Variants in FRMD3 observed in about 807,000 individuals in gnomAD.
The protein encoded by FRMD3 is FERM domain-containing protein 3.
In FRMD3, 33 loss-of-function variants were observed where a neutral mutation model predicts 70.2. That is an observed-to-expected ratio of 0.47 (90% CI 0.36 to 0.63). The LOEUF (loss-of-function observed/expected upper bound fraction) is 0.63, where lower values mean the gene tolerates loss of function less well. Among genes scored for constraint, FRMD3 ranks in the 20% least tolerant of loss-of-function variants. The pLI, the probability that FRMD3 is intolerant of heterozygous loss-of-function variation, is 0.00. For synonymous variants in FRMD3, 279 were observed against 255.9 expected, an observed-to-expected ratio of 1.09 and a Z score of -0.86; for missense variants, 632 against 711.4, an observed-to-expected ratio of 0.89 and a Z score of 1.27.
At chr9:83,462,667 G>A (rs1828008708) in intron 1 of FRMD3, among the ~76,000 whole-genome samples, 1 of 152,106 alleles carries the variant, frequency 6.6e-6, no homozygotes, top group Admixed American at 6.5e-5. Context: ...AGGAACACTT[G>A]GAGATATCTC....
intron 1 of FRMD3, among the ~76,000 whole-genome samples, chr9:83,451,352 CCACA>C (rs147154939): frequency 2.7e-5 from 4 of 147,904 alleles, no homozygotes; most frequent in Admixed American, 2.1e-4. Flanking sequence ...CTGCCCCACT[CCACA>C]CACACACACA....
intron 3 of FRMD3, among the ~76,000 whole-genome samples, chr9:83,363,553 CT>C (rs34789292): frequency 1.4e-3 from 159 of 113,332 alleles, no homozygotes; most frequent in African/African-American, 4.2e-3. Flanking sequence ...GAGACATAGG[CT>C]TTTTTTTTTT....
intron 1 of FRMD3, among the ~76,000 whole-genome samples, chr9:83,430,451 G>A (rs1379327456): frequency 6.6e-6 from 1 of 152,174 alleles, no homozygotes; most frequent in Non-Finnish European, 1.5e-5. Flanking sequence ...TTAGACACGT[G>A]CAGATGACAA....
At chr9:83,450,213 A>G (rs199895596) in intron 1 of FRMD3, among the ~76,000 whole-genome samples, 2,191 of 33,710 alleles carry the variant, frequency 0.065, 44 homozygotes, top group African/African-American at 0.25. Flanking sequence ...CCGTGCGCGC[A>G]CACACACACA....
intron 12 of FRMD3, among the ~76,000 whole-genome samples, chr9:83,293,050 C>T (rs1001332551): frequency 1.3e-5 from 2 of 152,166 alleles, no homozygotes; most frequent in African/African-American, 4.8e-5. Flanking sequence ...GCACCTAATC[C>T]GGTGTGAGTG....
At chr9:83,359,168 C>A (rs941175077) in intron 3 of FRMD3, among the ~76,000 whole-genome samples, 5 of 152,170 alleles carry the variant, frequency 3.3e-5, no homozygotes, top group Non-Finnish European at 7.3e-5. Context: ...ATCTTCCTCT[C>A]GTTACAGTTC....
At chr9:83,337,541 A>G (rs2131146863) in intron 5 of FRMD3, among the ~76,000 whole-genome samples, 1 of 152,348 alleles carries the variant, frequency 6.6e-6, no homozygotes, top group Middle Eastern at 3.4e-3. Flanking sequence ...TATGAGCCAG[A>G]AGAAGCAAGT....
intron 2 of FRMD3, among the ~76,000 whole-genome samples, chr9:83,373,590 T>C (rs912091472): frequency 1.8e-4 from 28 of 152,108 alleles, no homozygotes; most frequent in Admixed American, 1.0e-3. Flanking sequence ...TGACAGGCAT[T>C]TGAAGTAGGC....
At chr9:83,582,560 A>T in the FRMD3 span, among the ~76,000 whole-genome samples, 1 of 152,242 alleles carries the variant, frequency 6.6e-6, no homozygotes, top group South Asian at 2.1e-4. Context: ...CAACTTGCAC[A>T]TACAACAGTG....
chr9:83,536,930 T>TTAAAAAAAAAAAAA (rs1829904792), intron 1 of FRMD3, among the ~76,000 whole-genome samples: 83 of 60,900 alleles, frequency 1.4e-3, no homozygotes, highest in Non-Finnish European at 2.5e-3. Flanking sequence ...TGTATTACAC[T>TTAAAAAAAAAAAAA]AAAAAAAAAA....
At chr9:83,559,916 AT>A in the FRMD3 span, among the ~76,000 whole-genome samples, 6 of 152,022 alleles carry the variant, frequency 3.9e-5, no homozygotes, top group African/African-American at 1.4e-4. Flanking sequence ...TATTTTATCT[AT>A]CTTATTATAA....
chr9:83,248,325 T>C lies in FRMD3; in HGVS notation c.1387A>G (p.Ile463Val). 2 of 1,614,182 alleles carry C rather than the reference T, an allele frequency of 1.2e-6. No homozygotes were observed. Among genetic ancestry groups the C allele is most frequent in the Non-Finnish European group, 1.7e-6 (2 of 1,180,020 alleles). Residue 463 changes from isoleucine to valine, a missense_variant, in exon 14 of 14, where the codon ATT becomes GTT. Ile to Val is a conservative substitution (Grantham distance 29, BLOSUM62 3). Coordinates refer to ENST00000304195, the MANE Select transcript of FRMD3 (RefSeq NM_174938.6). ...GAAGGACAGTCAAAGAGCATGTCAA[T>C]CTCATCGTCATCCACAGGGGTGGGG... Reference protein sequence around the residue: ...LLPTPVDDDEIDMLFDCPSRL... With the variant: ...LLPTPVDDDEVDMLFDCPSRL...
At chr9:83,430,696 G>A (rs891480711) in intron 1 of FRMD3, among the ~76,000 whole-genome samples, 14 of 152,020 alleles carry the variant, frequency 9.2e-5, no homozygotes, top group African/African-American at 2.4e-4. Flanking sequence ...GTTTAAAGCC[G>A]TTGGTAGCCC....
At chr9:83,273,093 G>T (rs1165466052) in intron 13 of FRMD3, among the ~76,000 whole-genome samples, 1 of 152,130 alleles carries the variant, frequency 6.6e-6, no homozygotes, top group African/African-American at 2.4e-5. Context: ...TGGGAAGTGA[G>T]GAGCCCCTCT....
intron 13 of FRMD3, among the ~76,000 whole-genome samples, chr9:83,272,894 C>T (rs1833638383): frequency 1.3e-5 from 2 of 149,310 alleles, no homozygotes; most frequent in African/African-American, 5.0e-5. Context: ...TGAGGAGCCC[C>T]TCCGCCCGGC....
intron 6 of FRMD3, among the ~76,000 whole-genome samples, chr9:83,317,146 A>G (rs1044758703): frequency 6.6e-6 from 1 of 151,968 alleles, no homozygotes; most frequent in African/African-American, 2.4e-5. Flanking sequence ...AAAAATACAG[A>G]AAACAAACTT....
chr9:83,572,241 TAAAGAG>T, the FRMD3 span, among the ~76,000 whole-genome samples: 3 of 151,644 alleles, frequency 2.0e-5, no homozygotes, highest in Non-Finnish European at 4.4e-5. Context: ...AAGAGTCAAG[TAAAGAG>T]GAAAAGAATA....
rs1210276770 is a variant in FRMD3 at position 83,507,726 on chromosome 9, A to ATC, written c.147+30358_147+30359insGA. 4.8e-4 allele frequency among the ~76,000 whole-genome samples: 56 copies of ATC among 116,276 alleles called. 2 individuals are homozygous for ATC. Among genetic ancestry groups the ATC allele is most frequent in the South Asian group, 1.4e-3 (5 of 3,500 alleles). The allele number at this position is 116,276 out of a possible 152,430, so 76.3% of individuals were successfully genotyped here. A position where few individuals can be genotyped will look rare whatever the true frequency, so the allele number is the denominator to read the frequency against. On this transcript the variant is annotated intron_variant, in intron 1 of 13. Transcript: ENST00000304195. ...TATATATATATATATATATATATATATATATATATATATCTTCTGGAATAT... is the reference window on the plus strand; with the variant it reads ...TATATATATATATATATATATATATATCTATATATATATATCTTCTGGAATAT...
chr9:83,584,425 CT>C, the FRMD3 span, among the ~76,000 whole-genome samples: 1 of 152,090 alleles, frequency 6.6e-6, no homozygotes, highest in Non-Finnish European at 1.5e-5. Context: ...AGCATTTTAA[CT>C]TCTTATATTC....
Sources: allele counts gnomAD v4.1 joint callset (sites outside exome capture counted in the v4.1 genomes callset), GRCh38; gene constraint gnomAD v4.1.1; transcripts MANE v1.5; gene names NCBI Gene and HGNC (gene_info 2026-07-23, HGNC 2026-07-21).